RANBP2: variants seen among roughly 807,000 people sequenced by gnomAD.
RANBP2 encodes the protein RAN binding protein 2.
A neutral mutation model predicts 303.6 loss-of-function variants in RANBP2; 57 were observed. The observed-to-expected ratio is 0.19, with a 90% CI of 0.15 to 0.23. The LOEUF (loss-of-function observed/expected upper bound fraction) is 0.23, where lower values mean the gene tolerates loss of function less well. Among genes scored for constraint, RANBP2 ranks in the 10% least tolerant of loss-of-function variants. RANBP2 has a pLI of 1.00. For missense variants in RANBP2, 3,138 were observed against 3,780.8 expected, an observed-to-expected ratio of 0.83 and a Z score of 4.46; for synonymous variants, 1,167 against 1,301.5, an observed-to-expected ratio of 0.90 and a Z score of 2.23.
chr2:109,271,500 T>C, the RANBP2 span, among the ~76,000 whole-genome samples: 2 of 152,260 alleles, frequency 1.3e-5, no homozygotes, highest in African/African-American at 2.4e-5. Flanking sequence ...GAGACTTTGC[T>C]GTCAGCCAAC....
At chr2:108,876,616 T>C in the RANBP2 span, 3 of 155,310 alleles carry the variant, frequency 1.9e-5, no homozygotes, top group South Asian at 2.0e-4. Flanking sequence ...TTTCCTAATA[T>C]ATTAGAATCC....
intron 1 of RANBP2, among the ~76,000 whole-genome samples, chr2:108,726,010 T>A (rs1368251871): frequency 1.3e-5 from 2 of 152,176 alleles, no homozygotes; most frequent in Non-Finnish European, 2.9e-5. Context: ...CTTTTCTGAT[T>A]GTTCGTTGCT....
At chr2:108,740,463 A>T (rs771037874) in intron 6 of RANBP2, 26 bp from the exon 7 acceptor site, 116 of 1,597,354 alleles carry the variant, frequency 7.3e-5, no homozygotes, top group Admixed American at 3.7e-4. Flanking sequence ...AGTGTGTATT[A>T]TCTGTTTGAT....
chr2:108,816,528 AGGTGATGCAG>A, the RANBP2 span, among the ~76,000 whole-genome samples: 1 of 113,160 alleles, frequency 8.8e-6, no homozygotes, highest in African/African-American at 3.3e-5. Flanking sequence ...CAGAGTCCAG[AGGTGATGCAG>A]GGTATCACAT....
chr2:108,831,214 A>G, the RANBP2 span, among the ~76,000 whole-genome samples: 2 of 152,140 alleles, frequency 1.3e-5, no homozygotes, highest in African/African-American at 2.4e-5. Context: ...ATGTCAGATC[A>G]TCACTGTAAG....
At chr2:108,815,625 C>T in the RANBP2 span, among the ~76,000 whole-genome samples, 1 of 151,644 alleles carries the variant, frequency 6.6e-6, no homozygotes, top group Admixed American at 6.6e-5. Flanking sequence ...ACCACCATGC[C>T]CAGCTAATTT....
At chr2:109,411,251 C>G in the RANBP2 span, among the ~76,000 whole-genome samples, 1 of 152,224 alleles carries the variant, frequency 6.6e-6, no homozygotes, top group Non-Finnish European at 1.5e-5. Context: ...TCAGGCTTTG[C>G]AGGATGCTGG....
At chr2:109,689,527 A>G in the RANBP2 span, among the ~76,000 whole-genome samples, 2 of 152,276 alleles carry the variant, frequency 1.3e-5, no homozygotes, top group African/African-American at 4.8e-5. Context: ...AAGAGCAGAG[A>G]GGTCAGCAGG....
intron 12 of RANBP2, 92 bp downstream of exon 12, chr2:108,752,086 C>T (rs1195714134): frequency 1.9e-6 from 3 of 1,597,902 alleles, no homozygotes; most frequent in Non-Finnish European, 8.5e-7. Context: ...GTTCTGAAAA[C>T]AGCAGCTTGG....
At chr2:108,859,698 T>A in the RANBP2 span, among the ~76,000 whole-genome samples, 1 of 152,200 alleles carries the variant, frequency 6.6e-6, no homozygotes, top group African/African-American at 2.4e-5. Context: ...GTTTGGTTAC[T>A]ATAGCCTTGT....
chr2:109,515,677 G>A, the RANBP2 span, among the ~76,000 whole-genome samples: 1 of 152,122 alleles, frequency 6.6e-6, no homozygotes. Flanking sequence ...ACCTGAGGCT[G>A]GATAATTTAT....
chr2:109,448,043 G>T, the RANBP2 span, among the ~76,000 whole-genome samples: 1 of 152,152 alleles, frequency 6.6e-6, no homozygotes, highest in African/African-American at 2.4e-5. Context: ...ATTGTCCCCA[G>T]CCAAGGCAGC....
At chr2:109,398,944 G>C in the RANBP2 span, 1 of 1,608,662 alleles carries the variant, frequency 6.2e-7, no homozygotes. Context: ...TCCCACCCAG[G>C]TAACATCCCG....
chr2:109,617,692 A>G, the RANBP2 span: 1 of 166,990 alleles, frequency 6.0e-6, no homozygotes, highest in Non-Finnish European at 1.5e-5. Flanking sequence ...CTTTGGTCAC[A>G]TCTGTCTCTA....
the RANBP2 span, among the ~76,000 whole-genome samples, chr2:109,595,280 G>A: frequency 1.1e-3 from 164 of 152,324 alleles, 2 homozygotes; most frequent in East Asian, 0.019. Flanking sequence ...AGCTCAGTGA[G>A]GGACACAACG....
chr2:109,113,867 A>G, the RANBP2 span, among the ~76,000 whole-genome samples: 2 of 151,684 alleles, frequency 1.3e-5, no homozygotes, highest in East Asian at 1.9e-4. Context: ...TTTGTCAAAG[A>G]CCTCTTCTGC....
At chr2:109,357,007 A>G in the RANBP2 span, among the ~76,000 whole-genome samples, 1 of 152,082 alleles carries the variant, frequency 6.6e-6, no homozygotes, top group African/African-American at 2.4e-5. Context: ...TGAATGCAAC[A>G]TTCAAGGCAT....
the RANBP2 span, chr2:109,615,319 A>G: frequency 6.2e-7 from 1 of 1,609,770 alleles, no homozygotes; most frequent in Non-Finnish European, 8.5e-7. Context: ...TCTGCCTCCG[A>G]TGGCAAGTGG....
chr2:109,239,547 G>C, the RANBP2 span, among the ~76,000 whole-genome samples: 1 of 152,236 alleles, frequency 6.6e-6, no homozygotes, highest in Non-Finnish European at 1.5e-5. Flanking sequence ...GGTCCGATGA[G>C]GGACACGGGG....
Sources: allele counts gnomAD v4.1 joint callset (sites outside exome capture counted in the v4.1 genomes callset), GRCh38; gene constraint gnomAD v4.1.1; transcripts MANE v1.5; gene names NCBI Gene and HGNC (gene_info 2026-07-23, HGNC 2026-07-21).